Variants in TTN observed in about 807,000 individuals in gnomAD.
TTN encodes the protein connectin.
In TTN, 1,525 loss-of-function variants were observed where a neutral mutation model predicts 3,223.0. The ratio of observed to expected loss-of-function variants is 0.47; its 90% CI spans 0.45 to 0.49. TTN has a LOEUF of 0.49. Among genes scored for constraint, TTN ranks in the 20% least tolerant of loss-of-function variants. The pLI is 0.00. For missense variants in TTN, 40,786 were observed against 43,424.0 expected, an observed-to-expected ratio of 0.94 and a Z score of 5.40; for synonymous variants, 14,094 against 15,161.0, an observed-to-expected ratio of 0.93 and a Z score of 5.17.
At chr2:178,725,704 G>A in intron 70 of TTN, 55 bp from the exon 71 acceptor site, 1 of 1,548,926 alleles carries the variant, frequency 6.5e-7, no homozygotes, top group South Asian at 1.3e-5. Context: ...GATCATGCGA[G>A]AGTGAAAAAA....
At position 178,756,770 on chromosome 2, in the gene TTN, C is replaced by A. The variant is rs1553968270; in HGVS notation, c.10706G>T (p.Gly3569Val). Reference sequence around the variant, plus strand: ...CTTGGTGGACTCTCTTACATCTTTCCCAGAACTTTGCCTATCTAGGGCTTG... The same window carrying A: ...CTTGGTGGACTCTCTTACATCTTTCACAGAACTTTGCCTATCTAGGGCTTG... ...KVQALDRQSS[G>V]KDVRESTKSQ... The change falls in exon 46 of 363, where the codon GGG becomes GTG. Residue 3569 changes from glycine (G) to valine (V), a missense_variant. Physicochemically the swap from Gly to Val is moderately radical, Grantham distance 109 (BLOSUM62 -3). Transcript: ENST00000589042. 6.2e-7 allele frequency: 1 copy of A among 1,613,680 alleles called. No homozygotes were observed. The highest frequency in any genetic ancestry group is 8.5e-7 in the Non-Finnish European group (1 of 1,179,744).
chr2:178,605,288 T>A lies in TTN; in HGVS notation c.53889A>T (p.Pro17963=). The part of the protein sequence containing the change: ...NVVIQDDEVP[P]TIKLRLSVRG... Reference sequence around the variant, plus strand: ...GAACACTCAGACGCAACTTAATAGTTGGAGGCACTGCAAAGAGAAGAGAAA... The same window carrying A: ...GAACACTCAGACGCAACTTAATAGTAGGAGGCACTGCAAAGAGAAGAGAAA... The change falls in exon 280 of 363, where the codon CCA becomes CCT. Residue 17963 remains proline, a synonymous_variant. Coordinates refer to ENST00000589042, the MANE Select transcript of TTN (RefSeq NM_001267550.2). 6.4e-7 allele frequency: 1 copy of A among 1,572,986 alleles called. No individual in the cohort carries two copies. The highest frequency in any genetic ancestry group is 8.6e-7 in the Non-Finnish European group (1 of 1,161,420).
rs771457393 is a variant in TTN, at chr2:178,729,325, G to A, written c.18831C>T (p.Gly6277=). The change falls in exon 64 of 363, where the codon GGC becomes GGT. Residue 6277 remains glycine, a synonymous_variant. Coordinates refer to ENST00000589042, the MANE Select transcript of TTN (RefSeq NM_001267550.2). The part of the protein sequence containing the change: ...GEYQCIVSNE[G]GSCSCSTRVA... ...CTCTAGTACTGCATGAGCAGCTGCCGCCTTCATTGGATACAATGCACTGGT... is the reference window on the plus strand; with the variant it reads ...CTCTAGTACTGCATGAGCAGCTGCCACCTTCATTGGATACAATGCACTGGT... 5.6e-6 allele frequency: 9 copies of A among 1,612,042 alleles called. No individual in the cohort carries two copies. Among genetic ancestry groups the A allele is most frequent in the African/African-American group, 2.7e-5 (2 of 74,850 alleles).
In TTN at chr2:178,535,987, A is replaced by G; in HGVS notation, c.100760T>C (p.Val33587Ala). 2.6e-6 allele frequency: 4 copies of G among 1,528,512 alleles called. No homozygotes were observed. The highest frequency in any genetic ancestry group is 3.5e-6 in the Non-Finnish European group (4 of 1,142,202). 94.7% of individuals were successfully genotyped at this position (1,528,512 alleles called of 1,614,324 possible). A position where few individuals can be genotyped will look rare whatever the true frequency, so the allele number is the denominator to read the frequency against. ...GSVSGTASLE[V>A]EVPAKIHLPK... ...GATAATTTATTTATTTTTACCTTCC[A>G]CTTCCAAGGAGGCAGTGCCAGACAC... The change falls in exon 357 of 363, where the codon GTG becomes GCG. Residue 33587 changes from valine (V) to alanine (A), a missense_variant. Coordinates refer to ENST00000589042, the MANE Select transcript of TTN (RefSeq NM_001267550.2).
rs780755473 is a variant in TTN, at chr2:178,705,160, A to G, written c.29604+14T>C. 2.5e-6 allele frequency: 4 copies of G among 1,608,810 alleles called. 1 individual carries two copies. Among genetic ancestry groups the G allele is most frequent in the Non-Finnish European group, 3.4e-6 (4 of 1,178,386 alleles). The stretch of plus-strand genomic sequence containing the variant: ...TGACTTTTTTAGCATGATGCTATAT[A>G]TGAAGGAGCATACCAGTCTATGTGT... On this transcript the variant is annotated intron_variant, in intron 103 of 362. Coordinates refer to ENST00000589042, the MANE Select transcript of TTN (RefSeq NM_001267550.2).
intron 47 of TTN, chr2:178,744,849 C>T: frequency 1.0e-6 from 1 of 985,038 alleles, no homozygotes; most frequent in Non-Finnish European, 1.2e-6. Context: ...TAAGGTATCT[C>T]CAAAAGTGGA....
At chr2:178,791,550 G>A (rs1314086280) in intron 10 of TTN, among the ~76,000 whole-genome samples, 1 of 152,054 alleles carries the variant, frequency 6.6e-6, no homozygotes. Flanking sequence ...TTTATCAACC[G>A]TGAATTGAAG....
chr2:178,626,677 G>A (rs1413392199), intron 240 of TTN, among the ~76,000 whole-genome samples: 2 of 151,938 alleles, frequency 1.3e-5, no homozygotes, highest in East Asian at 3.9e-4. Context: ...ACAGCTAGGA[G>A]GGGGTAGTTA....
chr2:178,563,244 G>C lies in TTN; in HGVS notation c.82888C>G (p.Gln27630Glu). The C allele has an allele frequency of 6.2e-7, 1 of 1,613,704 alleles. No homozygotes were observed. The highest frequency in any genetic ancestry group is 8.5e-7 in the Non-Finnish European group (1 of 1,179,706). Residue 27630 changes from glutamine to glutamate, a missense_variant, in exon 326 of 363, where the codon CAG becomes GAG. Physicochemically the swap from Gln to Glu is conservative, Grantham distance 29. Transcript: ENST00000589042. The surrounding 1 kb of genome is among the most constrained non-coding windows in gnomAD (Gnocchi z 4.5). ...CTPPTGLQGK[Q>E]FTVTKLKENT... ...TCTTTAAGCTTGGTCACTGTGAACT[G>C]CTTTCCTTGTAATCCTGTTGGTGGA...
intron 135 of TTN, 51 bp from the exon 136 acceptor site, chr2:178,681,789 A>T (rs2069474102): frequency 6.9e-7 from 1 of 1,441,102 alleles, no homozygotes. Flanking sequence ...ATATAAGTTT[A>T]AACATTTCTT....
At chr2:178,633,706 AG>A in intron 231 of TTN, 30 bp from the exon 232 acceptor site, 1 of 1,607,494 alleles carries the variant, frequency 6.2e-7, no homozygotes, top group Non-Finnish European at 8.5e-7. Context: ...TAAAATTAGA[AG>A]AATGTGAAAA....
chr2:178,694,535 A>G, intron 117 of TTN, 64 bp downstream of exon 117: 1 of 1,210,306 alleles, frequency 8.3e-7, no homozygotes, highest in Non-Finnish European at 1.2e-6. Context: ...CAATATATGT[A>G]CACATGTCCA....
rs977590377 is a variant in TTN, at chr2:178,526,050, A to G, written c.*962T>C. ...ACTATCTCAAGGAGGTCCAACAATT[A>G]TAACTAACAATTGAATTTATACTTG... On this transcript the variant is annotated 3_prime_UTR_variant, in exon 363 of 363. Transcript: ENST00000589042. The G allele has an allele frequency of 1.3e-5, 2 of 152,678 alleles. No homozygotes were observed. The highest frequency in any genetic ancestry group is 2.1e-4 in the South Asian group (1 of 4,832). 9.5% of individuals were successfully genotyped at this position (152,678 alleles called of 1,614,324 possible).
chr2:178,731,019 A>T lies in TTN; in HGVS notation c.17646T>A (p.Ile5882=), dbSNP rs1302228999. The part of the protein sequence containing the change: ...SVTDTVSILK[I]ISTEKKDSGE... ...CACTATCTTTCTTTTCTGTAGAAAT[A>T]ATCTTCAGTATTGAGACTGTATCAG... Residue 5882 remains isoleucine, a synonymous_variant, in exon 60 of 363, where the codon ATT becomes ATA. Transcript: ENST00000589042. 1 of 1,613,586 alleles carries T rather than the reference A, an allele frequency of 6.2e-7. No individual in the cohort carries two copies. Among genetic ancestry groups the T allele is most frequent in the South Asian group, 1.1e-5 (1 of 91,038 alleles).
chr2:178,540,385 A>G lies in TTN; in HGVS notation c.97796-15T>C, dbSNP rs1272907084. ...TCCTGGAGGAGCTGAGAATAAGAAT[A>G]AGAATATACTGGTTAAAGTTGCTGC... On this transcript the variant is annotated splice_polypyrimidine_tract_variant and intron_variant, in intron 350 of 362. Transcript: ENST00000589042. The G allele has an allele frequency of 2.5e-6, 4 of 1,597,364 alleles. No homozygotes were observed. In the South Asian group the frequency reaches 3.4e-5, roughly 13 times the overall value.
chr2:178,538,703 G>A lies in TTN; in HGVS notation c.99126C>T (p.Asp33042=), dbSNP rs759802876. The change falls in exon 354 of 363, where the codon GAC becomes GAT. Residue 33042 remains aspartate, a synonymous_variant. Coordinates refer to ENST00000589042, the MANE Select transcript of TTN (RefSeq NM_001267550.2). ...CCTTATTGCTCTTCTTCCAGGCACT[G>A]TCTCCAGACTGTCTATATTCAACCC... ...GYWVEYRQSG[D]SAWKKSNKER... 1 of 1,613,702 alleles carries A rather than the reference G, an allele frequency of 6.2e-7. No homozygotes were observed. Among genetic ancestry groups the A allele is most frequent in the East Asian group, 2.2e-5 (1 of 44,866 alleles).
chr2:178,721,029 C>T lies in TTN; in HGVS notation c.22990G>A (p.Ala7664Thr). 1 of 1,613,338 alleles carries T rather than the reference C, an allele frequency of 6.2e-7. No individual in the cohort carries two copies. The highest frequency in any genetic ancestry group is 8.5e-7 in the Non-Finnish European group (1 of 1,179,398). The part of the protein sequence containing the change: ...KYNMSFINSV[A>T]LLTINEASAE... ...CTAGCTTCATTGATCGTAAGCAATG[C>T]CACAGAATTAATGAATGACATGTTG... The change falls in exon 79 of 363, where the codon GCA becomes ACA. Residue 7664 changes from alanine to threonine, a missense_variant. Physicochemically the swap from Ala to Thr is moderately conservative, Grantham distance 58 (BLOSUM62 0). Transcript: ENST00000589042.
chr2:178,599,822 G>A lies in TTN; in HGVS notation c.56079C>T (p.Phe18693=), dbSNP rs1458763630. 6.3e-7 allele frequency: 1 copy of A among 1,598,004 alleles called. No homozygotes were observed. Among genetic ancestry groups the A allele is most frequent in the Non-Finnish European group, 8.5e-7 (1 of 1,173,526 alleles). The change falls in exon 289 of 363, where the codon TTC becomes TTT. Residue 18693 remains phenylalanine (F), a synonymous_variant. Transcript: ENST00000589042. ...TCPPSIDLKE[F]MEVEEGTNVN... ...CATTGGTTCCTTCTTCAACCTCCATGAATTCTTTTAGATCAATTGATGGTG... is the reference window on the plus strand; with the variant it reads ...CATTGGTTCCTTCTTCAACCTCCATAAATTCTTTTAGATCAATTGATGGTG...
At chr2:178,725,213 G>A in intron 71 of TTN, 155 bp downstream of exon 71, 1 of 799,286 alleles carries the variant, frequency 1.3e-6, no homozygotes, top group Non-Finnish European at 1.7e-6. Context: ...AGAAAAGAGT[G>A]TTTGAAAGAT....
Sources: allele counts gnomAD v4.1 joint callset (sites outside exome capture counted in the v4.1 genomes callset), GRCh38; gene constraint gnomAD v4.1.1; non-coding constraint Gnocchi (gnomAD v3.1); transcripts MANE v1.5; gene names NCBI Gene and HGNC (gene_info 2026-07-23, HGNC 2026-07-21).